MGST1: variants seen among roughly 807,000 people sequenced by gnomAD.
MGST1 encodes glutathione S-transferase 12.
MGST1 carries 5 observed loss-of-function variants against 8.9 expected under a neutral mutation model. The observed-to-expected ratio is 0.56, with a 90% CI of 0.29 to 1.19. The LOEUF (loss-of-function observed/expected upper bound fraction) is 1.19, where lower values mean the gene tolerates loss of function less well. Ranked by LOEUF, MGST1 falls within the 50% of genes most tolerant of loss-of-function variation. The pLI is 0.08. For missense variants in MGST1, 182 were observed against 187.4 expected, an observed-to-expected ratio of 0.97 and a Z score of 0.17; for synonymous variants, 54 against 67.8, an observed-to-expected ratio of 0.80 and a Z score of 1.00.
chr12:16,456,184 G>T (rs1202522482), intron 4 of MGST1, among the ~76,000 whole-genome samples: 2 of 151,630 alleles, frequency 1.3e-5, no homozygotes, highest in South Asian at 2.1e-4. Flanking sequence ...GTTACAGTTT[G>T]TTAAACCTTT....
At chr12:16,545,735 A>C (rs1941820152) in intron 4 of MGST1, among the ~76,000 whole-genome samples, 1 of 152,060 alleles carries the variant, frequency 6.6e-6, no homozygotes, top group Admixed American at 6.6e-5. Context: ...CCTTCATGTT[A>C]TGGTTGAAAG....
At chr12:16,581,605 T>G (rs1943161628) in intron 4 of MGST1, among the ~76,000 whole-genome samples, 1 of 152,208 alleles carries the variant, frequency 6.6e-6, no homozygotes, top group Non-Finnish European at 1.5e-5. Flanking sequence ...TTGACTTTCT[T>G]TCACAATGTT....
At chr12:16,398,404 G>A (rs545415629) in intron 1 of MGST1, among the ~76,000 whole-genome samples, 1 of 152,256 alleles carries the variant, frequency 6.6e-6, no homozygotes, top group East Asian at 1.9e-4. Context: ...TTGTAGATAT[G>A]GCCTCCCTTC....
chr12:16,353,051 G>A (rs1939541876), intron 1 of MGST1, among the ~76,000 whole-genome samples: 2 of 151,230 alleles, frequency 1.3e-5, no homozygotes, highest in South Asian at 4.2e-4. Flanking sequence ...TTTTGGAGGG[G>A]GAGACAGAGT....
At chr12:16,359,490 G>A (rs1375309823) in intron 3 of MGST1, among the ~76,000 whole-genome samples, 7 of 152,164 alleles carry the variant, frequency 4.6e-5, no homozygotes, top group African/African-American at 1.4e-4. Context: ...AAATCAGTGA[G>A]TCTTGAGAAT....
At chr12:16,466,299 A>T (rs755308457) in intron 4 of MGST1, among the ~76,000 whole-genome samples, 2 of 152,222 alleles carry the variant, frequency 1.3e-5, no homozygotes, top group African/African-American at 2.4e-5. Flanking sequence ...TGAAAGGTTC[A>T]GGAGCTTCAC....
chr12:16,549,048 T>A (rs1395806183), intron 4 of MGST1: 1 of 152,098 alleles, frequency 6.6e-6, no homozygotes, highest in East Asian at 1.9e-4. Context: ...GCAAAACCAG[T>A]TAAACCTTAA....
chr12:16,357,465 C>T (rs1939770730), intron 2 of MGST1, 140 bp from the exon 3 acceptor site: 2 of 634,314 alleles, frequency 3.2e-6, no homozygotes, highest in Non-Finnish European at 2.7e-6. Flanking sequence ...TATGGGTACT[C>T]CCTATGTTGC....
At chr12:16,570,736 T>C (rs1168700570) in intron 4 of MGST1, among the ~76,000 whole-genome samples, 1 of 152,184 alleles carries the variant, frequency 6.6e-6, no homozygotes, top group East Asian at 1.9e-4. Context: ...GTAAAGGATA[T>C]CTTTTATATC....
In MGST1 at chr12:16,500,823, A is replaced by G. The variant is rs1941501284; in HGVS notation, n.483-88705A>G. 1.3e-5 allele frequency among the ~76,000 whole-genome samples: 2 copies of G among 152,178 alleles called. No individual in the cohort carries two copies. Among genetic ancestry groups the G allele is most frequent in the Admixed American group, 6.5e-5 (1 of 15,270 alleles). On this transcript the variant is annotated intron_variant and non_coding_transcript_variant, in intron 4 of 4. Coordinates refer to the MGST1 transcript ENST00000538857. This position sits in a 1 kb window ranked among gnomAD's most constrained non-coding sequence, Gnocchi z 4.3. ...TTTTGTTCAATGAAAATGTACTTAG[A>G]GGTTGGGCGTGGTGGCTCACGCCTG...
rs895278972 is a variant in MGST1 at position 16,426,813 on chromosome 12, CA to C, written n.779-10566del. Among the ~76,000 whole-genome samples, 7 of 151,458 alleles carry C rather than the reference CA, an allele frequency of 4.6e-5. 1 individual carries two copies. The highest frequency in any genetic ancestry group is 1.5e-4 in the African/African-American group (6 of 41,248). On this transcript the variant is annotated intron_variant and non_coding_transcript_variant, in intron 1 of 1. Transcript: ENST00000359720. ...AAAAATACAAAAACAACAACAACAA[CA>C]AAAAAAAATTAGCCGGGCGTGATGG...
intron 4 of MGST1, among the ~76,000 whole-genome samples, chr12:16,468,633 T>C (rs1356634594): frequency 6.6e-6 from 1 of 152,242 alleles, no homozygotes; most frequent in Non-Finnish European, 1.5e-5. Flanking sequence ...GTAAAACGTA[T>C]ATATATTTTA....
chr12:16,470,665 G>A (rs962329097), intron 4 of MGST1, among the ~76,000 whole-genome samples: 1 of 152,066 alleles, frequency 6.6e-6, no homozygotes, highest in Non-Finnish European at 1.5e-5. Flanking sequence ...CAATTTTGAA[G>A]AGCTAATTGA....
chr12:16,392,013 T>C (rs1346918922), intron 1 of MGST1, among the ~76,000 whole-genome samples: 3 of 152,228 alleles, frequency 2.0e-5, no homozygotes, highest in Non-Finnish European at 4.4e-5. Flanking sequence ...TATTTCCCAT[T>C]GCTAGTTTTT....
At chr12:16,473,728 A>G (rs1941302745) in intron 4 of MGST1, among the ~76,000 whole-genome samples, 1 of 152,026 alleles carries the variant, frequency 6.6e-6, no homozygotes, top group African/African-American at 2.4e-5. Flanking sequence ...AATCAGTCTC[A>G]TCACTGGCCG....
intron 4 of MGST1, among the ~76,000 whole-genome samples, chr12:16,533,964 A>G (rs1941738870): frequency 6.6e-6 from 1 of 152,188 alleles, no homozygotes; most frequent in Non-Finnish European, 1.5e-5. Flanking sequence ...GAACATGGCT[A>G]TTCAGGAATA....
At chr12:16,428,870 G>A (rs1303590873) in intron 1 of MGST1, among the ~76,000 whole-genome samples, 2 of 151,928 alleles carry the variant, frequency 1.3e-5, no homozygotes, top group Non-Finnish European at 2.9e-5. Context: ...ATTTTCTAGT[G>A]ATTTCTAATC....
chr12:16,349,743 CTTT>C (rs760899357), intron 1 of MGST1, among the ~76,000 whole-genome samples: 3 of 127,386 alleles, frequency 2.4e-5, no homozygotes, highest in Non-Finnish European at 1.7e-5. Context: ...CCCAGAGCTT[CTTT>C]TTTTTTTTTT....
At chr12:16,430,869 C>T (rs946680020) in intron 1 of MGST1, among the ~76,000 whole-genome samples, 1 of 152,144 alleles carries the variant, frequency 6.6e-6, no homozygotes, top group African/African-American at 2.4e-5. Context: ...CAGGCATTGG[C>T]TTCTCCTCTC....
Sources: allele counts gnomAD v4.1 joint callset (sites outside exome capture counted in the v4.1 genomes callset), GRCh38; gene constraint gnomAD v4.1.1; non-coding constraint Gnocchi (gnomAD v3.1); transcripts MANE v1.5; gene names NCBI Gene and HGNC (gene_info 2026-07-23, HGNC 2026-07-21).